Variants in CDH23 observed in about 807,000 individuals in gnomAD.
The protein encoded by CDH23 is cadherin related 23, also known as cadherin-23.
CDH23 carries 189 observed loss-of-function variants against 317.1 expected under a neutral mutation model. The observed-to-expected ratio is 0.60, with a 90% CI of 0.53 to 0.67. The LOEUF is 0.67. Ranked by LOEUF, CDH23 falls within the 30% of genes least tolerant of loss-of-function variation. The probability of loss-of-function intolerance (pLI) is 0.00; values close to 1 mark genes in which losing one functional copy is unlikely to be tolerated. For missense variants in CDH23, 4,401 were observed against 4,592.4 expected, an observed-to-expected ratio of 0.96 and a Z score of 1.20; for synonymous variants, 1,839 against 1,876.8, an observed-to-expected ratio of 0.98 and a Z score of 0.52.
chr10:71,430,774 C>T (rs1427897171), intron 1 of CDH23, among the ~76,000 whole-genome samples: 4 of 152,002 alleles, frequency 2.6e-5, no homozygotes, highest in East Asian at 1.9e-4. Flanking sequence ...GAGCCGAGAT[C>T]GCGCCACTGC....
At chr10:71,549,050 C>CGTAA (rs1564646507) in intron 6 of CDH23, among the ~76,000 whole-genome samples, 1 of 152,236 alleles carries the variant, frequency 6.6e-6, no homozygotes, top group Non-Finnish European at 1.5e-5. Flanking sequence ...TGAGGCAGAG[C>CGTAA]GTAAGCAGGG....
chr10:71,798,329 C>T (rs1401481400), intron 49 of CDH23, 25 bp from the exon 50 acceptor site: 2 of 1,568,672 alleles, frequency 1.3e-6, no homozygotes, highest in Admixed American at 1.7e-5. Context: ...CTTCCCCTCT[C>T]CCTCACTCCC....
At chr10:71,605,467 G>A (rs1860477127) in intron 9 of CDH23, among the ~76,000 whole-genome samples, 1 of 152,150 alleles carries the variant, frequency 6.6e-6, no homozygotes, top group African/African-American at 2.4e-5. Context: ...ACAATGCACA[G>A]GACTGCCTCC....
At position 71,797,101 on chromosome 10, in the gene CDH23, C is replaced by A; in HGVS notation, c.6713-3C>A. ...GCTGAACCTGGCCTGGTCTGGTCCA[C>A]AGGATCTGTAATGGTGAAGTCCCCC... On this transcript the variant is annotated splice_polypyrimidine_tract_variant and splice_region_variant and intron_variant, in intron 48 of 69. Coordinates refer to ENST00000224721, the MANE Select transcript of CDH23 (RefSeq NM_022124.6). 3.7e-6 allele frequency: 6 copies of A among 1,604,884 alleles called. No individual in the cohort carries two copies. Among genetic ancestry groups the A allele is most frequent in the Non-Finnish European group, 5.1e-6 (6 of 1,172,580 alleles).
intron 11 of CDH23, among the ~76,000 whole-genome samples, chr10:71,640,252 G>A (rs1862473513): frequency 5.3e-5 from 8 of 152,130 alleles, no homozygotes; most frequent in Admixed American, 5.2e-4. Context: ...CCTCACTGTT[G>A]ACCTCAGCCT....
chr10:71,796,238 T>C (rs927962898), intron 48 of CDH23, among the ~76,000 whole-genome samples: 7 of 152,138 alleles, frequency 4.6e-5, no homozygotes, highest in African/African-American at 1.7e-4. Flanking sequence ...CCAGGCCCTC[T>C]AACAGGCAGG....
chr10:71,764,638 C>T (rs766768271), intron 38 of CDH23, among the ~76,000 whole-genome samples: 12 of 152,136 alleles, frequency 7.9e-5, no homozygotes, highest in Admixed American at 2.0e-4. Context: ...TGGGGGGCAC[C>T]GGCACTCCAG....
At chr10:71,630,447 C>T (rs896504570) in intron 11 of CDH23, among the ~76,000 whole-genome samples, 1 of 152,064 alleles carries the variant, frequency 6.6e-6, no homozygotes, top group African/African-American at 2.4e-5. Context: ...GGGTGAGGAG[C>T]GGTCAGCCGC....
At chr10:71,791,704 T>C (rs1192861438) in intron 47 of CDH23, among the ~76,000 whole-genome samples, 1 of 151,596 alleles carries the variant, frequency 6.6e-6, no homozygotes, top group Non-Finnish European at 1.5e-5. Context: ...GCCTCCCGAG[T>C]AGCTGGGATT....
intron 6 of CDH23, among the ~76,000 whole-genome samples, chr10:71,553,781 G>A (rs1856730728): frequency 6.6e-6 from 1 of 152,234 alleles, no homozygotes; most frequent in South Asian, 2.1e-4. Context: ...GGGAGATGGA[G>A]CCCCATTTGT....
intron 20 of CDH23, among the ~76,000 whole-genome samples, chr10:71,691,437 A>C (rs1865180188): frequency 6.6e-6 from 1 of 152,190 alleles, no homozygotes; most frequent in African/African-American, 2.4e-5. Flanking sequence ...CTCAGTGGGC[A>C]TGCAAGGCAC....
At chr10:71,615,138 C>A (rs1020859344) in intron 9 of CDH23, among the ~76,000 whole-genome samples, 1 of 152,174 alleles carries the variant, frequency 6.6e-6, no homozygotes, top group African/African-American at 2.4e-5. Flanking sequence ...GGCGTCCACT[C>A]CCTTTGGAAG....
At position 71,706,879 on chromosome 10, in the gene CDH23, G is replaced by T. The variant is rs373489949; in HGVS notation, c.2954-18G>T. On this transcript the variant is annotated intron_variant, in intron 25 of 69. Transcript: ENST00000224721. ...GGCAGAAGCCAGGCCTAGCCCCGGC[G>T]CCCGTTCTGCCCCGCAGTGCTGGAT... 4.4e-6 allele frequency: 7 copies of T among 1,579,918 alleles called. No individual in the cohort carries two copies. Among genetic ancestry groups the T allele is most frequent in the Non-Finnish European group, 6.0e-6 (7 of 1,162,642 alleles).
rs535079343 is a variant in CDH23 at position 71,612,645 on chromosome 10, G to T, written c.833-2859G>T. Among the ~76,000 whole-genome samples, 30 of 152,238 alleles carry T rather than the reference G, an allele frequency of 2.0e-4. 1 individual carries two copies. The highest frequency in any genetic ancestry group is 5.1e-4 in the African/African-American group (21 of 41,532). On this transcript the variant is annotated intron_variant, in intron 9 of 69. Coordinates refer to ENST00000224721, the MANE Select transcript of CDH23 (RefSeq NM_022124.6). ...AATGCTGGGATGCTGTCTGTGGGGG[G>T]GCTGGGGAGGGGACCCCTGCCTGTG...
intron 9 of CDH23, among the ~76,000 whole-genome samples, chr10:71,609,736 C>T (rs1024862963): frequency 3.3e-5 from 5 of 152,344 alleles, no homozygotes; most frequent in South Asian, 2.1e-4. Flanking sequence ...ACAGCAGCCT[C>T]GCCTGGTGCG....
chr10:71,474,001 C>T (rs942995749), intron 3 of CDH23, among the ~76,000 whole-genome samples: 1 of 152,246 alleles, frequency 6.6e-6, no homozygotes, highest in South Asian at 2.1e-4. Context: ...TAATTAGGAG[C>T]TGCCGCTAAT....
At chr10:71,436,266 C>T (rs1018343762) in intron 1 of CDH23, among the ~76,000 whole-genome samples, 2 of 152,212 alleles carry the variant, frequency 1.3e-5, no homozygotes, top group Non-Finnish European at 2.9e-5. Context: ...TGATCGCCTC[C>T]GATGGGGAAA....
At chr10:71,420,484 G>A (rs1227420306) in intron 1 of CDH23, among the ~76,000 whole-genome samples, 6 of 146,582 alleles carry the variant, frequency 4.1e-5, no homozygotes, top group Non-Finnish European at 6.0e-5. Flanking sequence ...TGATGATGGT[G>A]ATGGTGATGA....
At chr10:71,461,063 C>G (rs1364068885) in intron 3 of CDH23, among the ~76,000 whole-genome samples, 2 of 152,216 alleles carry the variant, frequency 1.3e-5, no homozygotes, top group African/African-American at 4.8e-5. Context: ...GAAGCAAAGC[C>G]CCTCGTGGGG....
Sources: allele counts gnomAD v4.1 joint callset (sites outside exome capture counted in the v4.1 genomes callset), GRCh38; gene constraint gnomAD v4.1.1; transcripts MANE v1.5; gene names NCBI Gene and HGNC (gene_info 2026-07-23, HGNC 2026-07-21).